The following PRRC2A variants were observed in gnomAD, a reference collection of about 807,000 sequenced individuals.
PRRC2A encodes protein PRRC2A.
A neutral mutation model predicts 224.6 loss-of-function variants in PRRC2A; 59 were observed. That is an observed-to-expected ratio of 0.26 (90% CI 0.21 to 0.33). The LOEUF (loss-of-function observed/expected upper bound fraction) is 0.33, where lower values mean the gene tolerates loss of function less well. PRRC2A is among the 10% of genes least tolerant of loss of function. The pLI is 1.00. For missense variants in PRRC2A, 3,095 were observed against 2,880.7 expected (o/e 1.07, Z -1.70); for synonymous variants, 1,194 against 1,109.5 (o/e 1.08, Z -1.51).
chr6:31,635,402 C>T lies in PRRC2A; in HGVS notation c.5310C>T (p.Asp1770=), dbSNP rs1180429475. The T allele has an allele frequency of 6.2e-7, 1 of 1,614,238 alleles. No homozygotes were observed. The highest frequency in any genetic ancestry group is 8.5e-7 in the Non-Finnish European group (1 of 1,180,030). ...VQFGTSDKDS[D]LRLVVGDSLK... ...CCTTCTTGTGATCACAGGACTCAGA[C>T]TTACGCCTAGTGGTAGGAGACAGCT... The change falls in exon 23 of 31, where the codon GAC becomes GAT. Residue 1770 remains aspartate, a synonymous_variant. Coordinates refer to ENST00000376033, the MANE Select transcript of PRRC2A (RefSeq NM_004638.4).
Position 31,634,318 on chromosome 6 carries a change from C to G in PRRC2A, c.4802C>G (p.Thr1601Arg), listed in dbSNP as rs1372676616. 2 of 1,612,898 alleles carry G rather than the reference C, an allele frequency of 1.2e-6. No homozygotes were observed. The highest frequency in any genetic ancestry group is 1.7e-6 in the Non-Finnish European group (2 of 1,179,996). ...GPGPQAESRD[T>R]GTEALTPHIW... ...GGCCCTCAGGCAGAGTCCAGAGATA[C>G]AGGCACAGAGGCCCTGACCCCTCAC... Residue 1601 changes from threonine (T) to arginine (R), a missense_variant, in exon 19 of 31, where the codon ACA becomes AGA. Physicochemically the swap from Thr to Arg is moderately conservative, Grantham distance 71 (BLOSUM62 -1). Transcript: ENST00000376033.
At chr6:31,629,042 T>G (rs1776235100) in intron 12 of PRRC2A, 102 bp from the exon 13 acceptor site, 2 of 1,194,064 alleles carry the variant, frequency 1.7e-6, no homozygotes, top group South Asian at 1.3e-5. Flanking sequence ...AATAGAATAT[T>G]TTAGTCTTAA....
chr6:31,628,283 T>C lies in PRRC2A; in HGVS notation c.1765+44T>C, dbSNP rs578027644. The stretch of plus-strand genomic sequence containing the variant: ...GTACTACCAGATGTCAGATCACTGC[T>C]TCAAGGTGCTTAAAGGTGCAGGGTG... On this transcript the variant is annotated intron_variant, in intron 12 of 30. Coordinates refer to ENST00000376033, the MANE Select transcript of PRRC2A (RefSeq NM_004638.4). The C allele has an allele frequency of 8.0e-5, 125 of 1,565,502 alleles. 3 individuals are homozygous for C. In the South Asian group the frequency reaches 1.4e-3, roughly 17 times the overall value.
Position 31,630,627 on chromosome 6 carries a change from C to T in PRRC2A, c.2291C>T (p.Ser764Leu). The T allele has an allele frequency of 6.2e-7, 1 of 1,614,120 alleles. No homozygotes were observed. Residue 764 changes from serine (S) to leucine (L), a missense_variant, in exon 15 of 31, where the codon TCA (serine) becomes TTA (leucine). Transcript: ENST00000376033. Reference sequence around the variant, plus strand: ...CGAGAGCGTTCAGACAGTGGGGGCTCAAGCTCAGAGCCATTTGACCGTCAT... The same window carrying T: ...CGAGAGCGTTCAGACAGTGGGGGCTTAAGCTCAGAGCCATTTGACCGTCAT... ...VPRERSDSGG[S>L]SSEPFDRHAP... is the part of the protein sequence containing the mutation.
intron 4 of PRRC2A, 34 bp from the exon 5 acceptor site, chr6:31,624,416 A>C: frequency 6.2e-7 from 1 of 1,608,424 alleles, no homozygotes; most frequent in South Asian, 1.1e-5. Context: ...TGCCCCACCC[A>C]CATCATTTAT....
chr6:31,626,686 A>T, intron 9 of PRRC2A, 86 bp from the exon 10 acceptor site: 1 of 1,167,680 alleles, frequency 8.6e-7, no homozygotes. Flanking sequence ...TGGCATTGGT[A>T]GTCCATCTTG....
At chr6:31,620,909 T>TGGTGGCGGTGGCGGTGGC (rs28986177) in intron 1 of PRRC2A, 51 bp downstream of exon 1, 5 of 154,166 alleles carry the variant, frequency 3.2e-5, no homozygotes, top group Non-Finnish European at 2.9e-5. Context: ...GCGGGAGAGG[T>TGGTGGCGGTGGCGGTGGC]GGTGGCGGTG....
chr6:31,634,087 G>T, intron 18 of PRRC2A, 98 bp downstream of exon 18: 1 of 1,576,228 alleles, frequency 6.3e-7, no homozygotes, highest in South Asian at 1.2e-5. Flanking sequence ...TTCTTTCACT[G>T]TGTTTTTACT....
rs137887772 is a variant in PRRC2A, at chr6:31,624,318, G to A, written c.348G>A (p.Thr116=). The A allele has an allele frequency of 3.3e-5, 54 of 1,613,838 alleles. No homozygotes were observed. The highest frequency in any genetic ancestry group is 4.5e-5 in the East Asian group (2 of 44,902). Residue 116 remains threonine, a synonymous_variant, in exon 4 of 31, where the codon ACG becomes ACA. Coordinates refer to ENST00000376033, the MANE Select transcript of PRRC2A (RefSeq NM_004638.4). ...PESQPLPASQ[T]PASNQPKRPP... is the part of the protein sequence containing the mutation. ...CGCAGCCACTGCCGGCTTCACAGAC[G>A]CCTGCCTCCAACCAGCCGAAACGAC...
Position 31,632,836 on chromosome 6 carries a change from A to G in PRRC2A, c.4163A>G (p.Gln1388Arg), listed in dbSNP as rs1320692237. 1.2e-6 allele frequency: 2 copies of G among 1,613,174 alleles called. No homozygotes were observed. The highest frequency in any genetic ancestry group is 1.1e-5 in the South Asian group (1 of 91,082). ...KDLSKRSFSS[Q>R]RPGMERQNRR... The stretch of plus-strand genomic sequence containing the variant: ...TTGAGTAAACGGAGCTTCTCAAGTC[A>G]GCGGCCAGGCATGGAACGGCAGAAT... Residue 1388 changes from glutamine (Q) to arginine (R), a missense_variant, in exon 16 of 31, where the codon CAG becomes CGG. Coordinates refer to ENST00000376033, the MANE Select transcript of PRRC2A (RefSeq NM_004638.4).
At chr6:31,635,338 C>G in intron 22 of PRRC2A, 56 bp from the exon 23 acceptor site, 1 of 1,613,774 alleles carries the variant, frequency 6.2e-7, no homozygotes, top group South Asian at 1.1e-5. Flanking sequence ...AAAGGTGGGA[C>G]ATAGAGGACA....
chr6:31,632,720 G>C lies in PRRC2A; in HGVS notation c.4047G>C (p.Lys1349Asn). 1 of 1,613,158 alleles carries C rather than the reference G, an allele frequency of 6.2e-7. No homozygotes were observed. ...EAPPPVLLTPKAVGTPGGGGG... is the reference protein window; with the variant it reads ...EAPPPVLLTPNAVGTPGGGGG... Reference sequence around the variant, plus strand: ...CCCCACCAGTACTGCTGACACCCAAGGCTGTGGGAACTCCTGGGGGAGGTG... The same window carrying C: ...CCCCACCAGTACTGCTGACACCCAACGCTGTGGGAACTCCTGGGGGAGGTG... The change falls in exon 16 of 31, where the codon AAG becomes AAC. Residue 1349 changes from lysine (K) to asparagine (N), a missense_variant. By Grantham distance (94) the Lys-to-Asn change is moderately conservative. Transcript: ENST00000376033.
Position 31,635,658 on chromosome 6 carries a change from A to T in PRRC2A, c.5450A>T (p.Asp1817Val). ...GCTGAGCCACAATCCAAGAACCTGG[A>T]TTCTGGGCACTGTGTCCCGGAGCCC... Reference protein sequence around the residue: ...ASAEPQSKNLDSGHCVPEPSS... With the variant: ...ASAEPQSKNLVSGHCVPEPSS... Residue 1817 changes from aspartate to valine, a missense_variant, in exon 24 of 31, where the codon GAT (aspartate) becomes GTT (valine). Coordinates refer to ENST00000376033, the MANE Select transcript of PRRC2A (RefSeq NM_004638.4). 6.2e-7 allele frequency: 1 copy of T among 1,612,854 alleles called. No homozygotes were observed. Among genetic ancestry groups the T allele is most frequent in the Non-Finnish European group, 8.5e-7 (1 of 1,179,946 alleles).
At position 31,632,801 on chromosome 6, in the gene PRRC2A, A is replaced by C. The variant is rs1190532409; in HGVS notation, c.4128A>C (p.Arg1376Ser). The C allele has an allele frequency of 1.9e-6, 3 of 1,612,978 alleles. No homozygotes were observed. Among genetic ancestry groups the C allele is most frequent in the African/African-American group, 1.3e-5 (1 of 74,920 alleles). The change falls in exon 16 of 31, where the codon AGA becomes AGC. Residue 1376 changes from arginine to serine, a missense_variant. By Grantham distance (110) the Arg-to-Ser change is moderately radical. Coordinates refer to ENST00000376033, the MANE Select transcript of PRRC2A (RefSeq NM_004638.4). ...SAMSRGDLSQ[R>S]AKDLSKRSFS... ...TGTCCCGCGGAGATCTGAGCCAGAG[A>C]GCCAAGGATTTGAGTAAACGGAGCT...
chr6:31,624,220 G>C, intron 3 of PRRC2A, 41 bp from the exon 4 acceptor site: 1 of 1,562,592 alleles, frequency 6.4e-7, no homozygotes, highest in South Asian at 1.1e-5. Context: ...AGTCAGGGAG[G>C]CATCTCAGGT....
rs780311920 is a variant in PRRC2A, at chr6:31,632,281, C to T, written c.3608C>T (p.Pro1203Leu). Residue 1203 changes from proline (P) to leucine (L), a missense_variant, in exon 16 of 31, where the codon CCA becomes CTA. By Grantham distance (98) the Pro-to-Leu change is moderately conservative (BLOSUM62 -3). Transcript: ENST00000376033. ...AAGAAACCTCCCACAGGCCCTTTGC[C>T]ACCAAGTAAGGAGCCTTTGAAAGAG... ...APKKPPTGPL[P>L]PSKEPLKEKL... 1.1e-5 allele frequency: 17 copies of T among 1,613,172 alleles called. No homozygotes were observed. Among genetic ancestry groups the T allele is most frequent in the Non-Finnish European group, 1.4e-5 (17 of 1,180,020 alleles).
Position 31,631,841 on chromosome 6 carries a change from T to G in PRRC2A, c.3168T>G (p.Ser1056Arg), listed in dbSNP as rs534432670. 2 of 1,603,932 alleles carry G rather than the reference T, an allele frequency of 1.2e-6. No individual in the cohort carries two copies. The highest frequency in any genetic ancestry group is 4.5e-5 in the East Asian group (2 of 44,602). The change falls in exon 16 of 31, where the codon AGT becomes AGG. Residue 1056 changes from serine to arginine, a missense_variant. Physicochemically the swap from Ser to Arg is moderately radical, Grantham distance 110. Coordinates refer to ENST00000376033, the MANE Select transcript of PRRC2A (RefSeq NM_004638.4). The surrounding 1 kb of genome is among the most constrained non-coding windows in gnomAD (Gnocchi z 4.5). ...GRGARSREFR[S>R]YREFRGDDGR... The stretch of plus-strand genomic sequence containing the variant: ...GAGCCCGAAGCCGGGAATTCCGCAG[T>G]TACCGAGAGTTTCGAGGAGATGATG...
In PRRC2A at chr6:31,626,172, T is replaced by A; in HGVS notation, c.982+10T>A. 6.2e-7 allele frequency: 1 copy of A among 1,607,574 alleles called. No homozygotes were observed. Among genetic ancestry groups the A allele is most frequent in the Non-Finnish European group, 8.5e-7 (1 of 1,177,922 alleles). ...GATGATGGTTGGGCAGGTAAGTGGA[T>A]ATTAAGGGTCAAGAATTTGGATCTT... is the stretch of plus-strand genomic sequence containing the variant. On this transcript the variant is annotated intron_variant, in intron 9 of 30. Transcript: ENST00000376033.
rs779598377 is a variant in PRRC2A at position 31,636,317 on chromosome 6, G to A, written c.5733G>A (p.Glu1911=). 1 of 1,613,042 alleles carries A rather than the reference G, an allele frequency of 6.2e-7. No homozygotes were observed. The highest frequency in any genetic ancestry group is 1.7e-5 in the Admixed American group (1 of 60,024). The change falls in exon 26 of 31, where the codon GAG becomes GAA. Residue 1911 remains glutamate, a synonymous_variant. Coordinates refer to ENST00000376033, the MANE Select transcript of PRRC2A (RefSeq NM_004638.4). The surrounding 1 kb of genome is among the most constrained non-coding windows in gnomAD (Gnocchi z 4.3). ...FLDFSTMQAT[E]LGKLPAGGVL... is the part of the protein sequence containing the mutation. ...ATTTCTCCACAATGCAAGCTACAGA[G>A]CTGGGGAAGTTGCCGGCTGGAGGAG...
Sources: gnomAD v4.1 joint callset for allele counts on GRCh38, gnomAD v4.1.1 for gene constraint, Gnocchi (gnomAD v3.1) non-coding constraint, MANE v1.5 for transcripts, NCBI Gene and HGNC (gene_info 2026-07-23, HGNC 2026-07-21) for gene names.